MPP7: variants seen among roughly 807,000 people sequenced by gnomAD.
The protein encoded by MPP7 is MAGUK p55 subfamily member 7.
MPP7 carries 60 observed loss-of-function variants against 76.5 expected under a neutral mutation model. The observed-to-expected ratio is 0.78, with a 90% CI of 0.64 to 0.97. The LOEUF is 0.97. Ranked by LOEUF, MPP7 falls within the 50% of genes least tolerant of loss-of-function variation. MPP7 has a pLI of 0.00. For missense variants in MPP7, 641 were observed against 694.0 expected (o/e 0.92, Z 0.86); for synonymous variants, 237 against 244.5 (o/e 0.97, Z 0.29).
At chr10:28,063,355 G>A (rs1038972549) in intron 13 of MPP7, among the ~76,000 whole-genome samples, 2 of 151,900 alleles carry the variant, frequency 1.3e-5, no homozygotes, top group Non-Finnish European at 2.9e-5. Flanking sequence ...CCACCTACTC[G>A]GGAGGCTGAG....
intron 11 of MPP7, among the ~76,000 whole-genome samples, chr10:28,097,982 T>A (rs1039524027): frequency 6.6e-6 from 1 of 152,206 alleles, no homozygotes; most frequent in African/African-American, 2.4e-5. Context: ...ACAGTTGCAA[T>A]TTGGTCACTT....
chr10:28,140,783 A>C (rs1353959479), intron 5 of MPP7, among the ~76,000 whole-genome samples: 1 of 152,192 alleles, frequency 6.6e-6, no homozygotes, highest in African/African-American at 2.4e-5. Flanking sequence ...GATTAAATCA[A>C]TAACTACAGA....
intron 11 of MPP7, among the ~76,000 whole-genome samples, chr10:28,116,378 G>C (rs975499292): frequency 1.3e-5 from 2 of 152,062 alleles, no homozygotes; most frequent in African/African-American, 2.4e-5. Flanking sequence ...ATTGACACAA[G>C]AAATGCAAGC....
At position 28,051,651 on chromosome 10, in the gene MPP7, T is replaced by G. The variant is rs1851363837; in HGVS notation, c.*2414A>C. The stretch of plus-strand genomic sequence containing the variant: ...GGAAGAAAGTACAGAATTCAGGGCC[T>G]TTTTGCTGCCGTTGTCAATGAACTC... On this transcript the variant is annotated 3_prime_UTR_variant, in exon 17 of 17. Coordinates refer to ENST00000683449, the MANE Select transcript of MPP7 (RefSeq NM_001318170.2). The G allele has an allele frequency of 6.6e-6, 1 of 152,142 alleles. No homozygotes were observed. The highest frequency in any genetic ancestry group is 1.5e-5 in the Non-Finnish European group (1 of 68,014). The allele number at this position is 152,142 out of a possible 1,614,324, so 9.4% of individuals were successfully genotyped here. A position where few individuals can be genotyped will look rare whatever the true frequency, so the allele number is the denominator to read the frequency against.
At chr10:28,069,192 A>C (rs1852110576) in intron 13 of MPP7, among the ~76,000 whole-genome samples, 1 of 152,218 alleles carries the variant, frequency 6.6e-6, no homozygotes, top group Non-Finnish European at 1.5e-5. Flanking sequence ...ATAACAACTT[A>C]ATTGTATATT....
chr10:28,100,724 G>A (rs890131574), intron 11 of MPP7, among the ~76,000 whole-genome samples: 12 of 151,922 alleles, frequency 7.9e-5, no homozygotes, highest in Admixed American at 7.2e-4. Flanking sequence ...CTCATCTCAG[G>A]CTAAAAATAA....
intron 13 of MPP7, among the ~76,000 whole-genome samples, chr10:28,060,335 C>T (rs7078301): frequency 0.31 from 47,697 of 151,968 alleles, 8,685 homozygotes; most frequent in East Asian, 0.65. Context: ...TATTTATTAA[C>T]GAACTAAAAT....
chr10:28,262,818 G>A (rs1840033895), intron 1 of MPP7, among the ~76,000 whole-genome samples: 1 of 152,096 alleles, frequency 6.6e-6, no homozygotes, highest in Non-Finnish European at 1.5e-5. Context: ...CACTTTGGGA[G>A]GCCGAGGTGG....
At chr10:28,089,911 C>T (rs777605639) in intron 11 of MPP7, 70 bp from the exon 12 acceptor site, 1 of 823,810 alleles carries the variant, frequency 1.2e-6, no homozygotes, top group Non-Finnish European at 1.8e-6. Context: ...AAAAAAAAAC[C>T]CTCAGAGTTG....
intron 1 of MPP7, among the ~76,000 whole-genome samples, chr10:28,271,299 G>A (rs1840319588): frequency 6.6e-6 from 1 of 152,184 alleles, no homozygotes. Context: ...AAAACATTAA[G>A]TGCTGGGACA....
intron 3 of MPP7, among the ~76,000 whole-genome samples, chr10:28,155,873 C>G (rs1836045203): frequency 6.6e-6 from 1 of 152,118 alleles, no homozygotes; most frequent in African/African-American, 2.4e-5. Context: ...TGGACTTAAG[C>G]AGTTCCATCT....
intron 1 of MPP7, among the ~76,000 whole-genome samples, chr10:28,300,876 T>C (rs1372771224): frequency 6.6e-6 from 1 of 151,180 alleles, no homozygotes; most frequent in African/African-American, 2.4e-5. Flanking sequence ...GGAGAATCAC[T>C]TGAACCAGGG....
chr10:28,059,734 CTGG>C lies in MPP7; in HGVS notation c.1211_1213del (p.Thr404del), dbSNP rs1178214934. 3 of 1,610,528 alleles carry C rather than the reference CTGG, an allele frequency of 1.9e-6. No homozygotes were observed. The highest frequency in any genetic ancestry group is 1.3e-5 in the African/African-American group (1 of 74,788). On this transcript the variant is annotated inframe_deletion, in exon 14 of 17. Transcript: ENST00000683449. ...ATCACTCTCCTGGCTTCTTCTTGCT[CTGG>C]TGGTATCTATGATTTAATGAAAAGG...
chr10:28,142,900 T>G (rs939636860), intron 5 of MPP7, among the ~76,000 whole-genome samples: 10 of 152,194 alleles, frequency 6.6e-5, no homozygotes, highest in African/African-American at 2.4e-4. Flanking sequence ...TGTACAAACA[T>G]TATGTATGCC....
At chr10:28,194,785 T>C (rs1479388880) in intron 3 of MPP7, among the ~76,000 whole-genome samples, 3 of 152,162 alleles carry the variant, frequency 2.0e-5, no homozygotes, top group South Asian at 2.1e-4. Context: ...AATGTAATAA[T>C]AGATGCAAGA....
chr10:28,182,797 G>A (rs1837099740), intron 3 of MPP7, among the ~76,000 whole-genome samples: 2 of 152,234 alleles, frequency 1.3e-5, no homozygotes, highest in African/African-American at 4.8e-5. Context: ...AGCAAATTGA[G>A]CCGGGTGCAG....
chr10:28,095,732 C>T (rs777281321), intron 11 of MPP7, among the ~76,000 whole-genome samples: 23 of 152,090 alleles, frequency 1.5e-4, no homozygotes, highest in Non-Finnish European at 1.8e-4. Flanking sequence ...AAAGTTTTAG[C>T]AAGAGCTGGC....
chr10:28,161,153 G>T (rs778474920), intron 3 of MPP7, among the ~76,000 whole-genome samples: 3 of 152,034 alleles, frequency 2.0e-5, no homozygotes, highest in Non-Finnish European at 4.4e-5. Context: ...TTTCAAAATC[G>T]TCCTTTCACA....
chr10:28,176,199 A>C (rs1836853901), intron 3 of MPP7, among the ~76,000 whole-genome samples: 1 of 152,158 alleles, frequency 6.6e-6, no homozygotes, highest in South Asian at 2.1e-4. Context: ...GGGTGCAGTG[A>C]GCTGAGATTG....
Sources: gnomAD v4.1 joint callset for allele counts (sites outside exome capture counted in the v4.1 genomes callset) on GRCh38, gnomAD v4.1.1 for gene constraint, MANE v1.5 for transcripts, NCBI Gene and HGNC (gene_info 2026-07-23, HGNC 2026-07-21) for gene names.